Variants in ZC3H3 observed in about 807,000 individuals in gnomAD.
ZC3H3 encodes zinc finger CCCH-type containing 3.
A neutral mutation model predicts 77.3 loss-of-function variants in ZC3H3; 36 were observed. That is an observed-to-expected ratio of 0.47 (90% confidence interval 0.36 to 0.61). The LOEUF is 0.61. ZC3H3 is among the 20% of genes least tolerant of loss of function. The pLI is 0.00. For missense variants in ZC3H3, 1,331 were observed against 1,312.2 expected (o/e 1.01, Z -0.22); for synonymous variants, 626 against 555.2 (o/e 1.13, Z -1.79).
Position 143,467,720 on chromosome 8 carries a change from C to G in ZC3H3, c.2175+489G>C, listed in dbSNP as rs147629077. On this transcript the variant is annotated intron_variant, in intron 8 of 11. Transcript: ENST00000262577. ...AGCAAGTCTGTTGGGTTTCAGGCCG[C>G]GGGGACAACCACATGAGCCAGGAGT... is the stretch of plus-strand genomic sequence containing the variant. Among the ~76,000 whole-genome samples, 1,515 of 152,226 alleles carry G rather than the reference C, an allele frequency of 1.0e-2. 29 individuals are homozygous for G. The highest frequency in any genetic ancestry group is 0.032 in the African/African-American group (1,339 of 41,516).
intron 10 of ZC3H3, among the ~76,000 whole-genome samples, chr8:143,440,694 T>C (rs1475651820): frequency 2.6e-5 from 4 of 152,174 alleles, no homozygotes; most frequent in African/African-American, 9.7e-5. Context: ...AGTGAGCAGG[T>C]CTCTGTGAGG....
chr8:143,451,450 C>T (rs1819984631), intron 9 of ZC3H3, among the ~76,000 whole-genome samples: 1 of 152,000 alleles, frequency 6.6e-6, no homozygotes, highest in Non-Finnish European at 1.5e-5. Flanking sequence ...CGACATGCAC[C>T]CATACGTTGA....
intron 4 of ZC3H3, among the ~76,000 whole-genome samples, chr8:143,498,877 C>T (rs1163797143): frequency 5.3e-4 from 18 of 34,184 alleles, no homozygotes; most frequent in Middle Eastern, 0.023. Context: ...GGGTACAGGG[C>T]GGGGCGGAGG....
intron 2 of ZC3H3, 98 bp downstream of exon 2, chr8:143,537,905 T>C: frequency 1.6e-6 from 2 of 1,235,094 alleles, no homozygotes; most frequent in Non-Finnish European, 2.2e-6. Context: ...TGAACGCAAC[T>C]GCAGGCAAAG....
chr8:143,507,676 T>C (rs931807542), intron 4 of ZC3H3, 70 bp downstream of exon 4: 10 of 1,419,304 alleles, frequency 7.0e-6, no homozygotes, highest in South Asian at 1.5e-5. Flanking sequence ...GATTCTACCC[T>C]GCAGCCCTCA....
chr8:143,507,234 T>G lies in ZC3H3; in HGVS notation c.1715+512A>C, dbSNP rs59407222. ...TGCCGACAGAGCCGCCCTCCCAGCC[T>G]GCATCGAGGTCAGAGTGCGAGTGGG... On this transcript the variant is annotated intron_variant, in intron 4 of 11. Coordinates refer to ENST00000262577, the MANE Select transcript of ZC3H3 (RefSeq NM_015117.3). Among the ~76,000 whole-genome samples, 1,297 of 152,270 alleles carry G rather than the reference T, an allele frequency of 8.5e-3. 16 individuals are homozygous for G. The highest frequency in any genetic ancestry group is 0.03 in the African/African-American group (1,234 of 41,568).
At chr8:143,487,196 G>C (rs1416528388) in intron 4 of ZC3H3, among the ~76,000 whole-genome samples, 13 of 11,894 alleles carry the variant, frequency 1.1e-3, no homozygotes, top group Non-Finnish European at 1.8e-3. Context: ...CTCACACACA[G>C]AACAGCACCC....
At chr8:143,503,975 A>C (rs1369107676) in intron 4 of ZC3H3, among the ~76,000 whole-genome samples, 2 of 151,928 alleles carry the variant, frequency 1.3e-5, no homozygotes, top group Non-Finnish European at 2.9e-5. Context: ...TTTCTACTTA[A>C]ATTAGGAGGG....
At chr8:143,443,948 G>C (rs938933443) in intron 9 of ZC3H3, among the ~76,000 whole-genome samples, 1 of 151,152 alleles carries the variant, frequency 6.6e-6, no homozygotes, top group East Asian at 1.9e-4. Context: ...CCAACCCAAA[G>C]GGTTTTACTT....
At chr8:143,511,003 T>C (rs1821854011) in intron 3 of ZC3H3, among the ~76,000 whole-genome samples, 4 of 152,216 alleles carry the variant, frequency 2.6e-5, no homozygotes, top group Admixed American at 2.0e-4. Flanking sequence ...GCTTTCCTAA[T>C]TAAAAACTTT....
chr8:143,479,618 G>A (rs1046572325), intron 4 of ZC3H3, among the ~76,000 whole-genome samples: 1 of 152,214 alleles, frequency 6.6e-6, no homozygotes, highest in African/African-American at 2.4e-5. Flanking sequence ...TTTGTAATGG[G>A]AGGCATGAAC....
At chr8:143,509,763 C>T (rs951597352) in intron 3 of ZC3H3, among the ~76,000 whole-genome samples, 3 of 152,208 alleles carry the variant, frequency 2.0e-5, no homozygotes, top group South Asian at 2.1e-4. Flanking sequence ...GGGCCACCCT[C>T]GGGCCCCGGG....
At chr8:143,478,313 T>C (rs730051) in intron 4 of ZC3H3, among the ~76,000 whole-genome samples, 8,193 of 152,132 alleles carry the variant, frequency 0.054, 613 homozygotes, top group East Asian at 0.34. Context: ...GCTGCAGCAC[T>C]TGCTCCCCTC....
intron 10 of ZC3H3, among the ~76,000 whole-genome samples, 172 bp from the exon 11 acceptor site, chr8:143,440,535 A>T (rs1344572340): frequency 1.3e-5 from 2 of 152,140 alleles, no homozygotes; most frequent in African/African-American, 4.8e-5. Flanking sequence ...GGCTGGGTGC[A>T]GGGATGGCCC....
At chr8:143,488,455 C>T (rs932406541) in intron 4 of ZC3H3, among the ~76,000 whole-genome samples, 3 of 144,268 alleles carry the variant, frequency 2.1e-5, no homozygotes, top group Admixed American at 6.8e-5. Context: ...ACCCGCTCCA[C>T]GACCCCATCA....
At chr8:143,518,271 C>T (rs557591086) in intron 3 of ZC3H3, among the ~76,000 whole-genome samples, 2 of 152,218 alleles carry the variant, frequency 1.3e-5, no homozygotes, top group East Asian at 1.9e-4. Flanking sequence ...TCCCAGCCCA[C>T]CCCTGACCTT....
chr8:143,491,978 G>A (rs1214475678), intron 4 of ZC3H3, among the ~76,000 whole-genome samples: 3 of 152,222 alleles, frequency 2.0e-5, no homozygotes, highest in Non-Finnish European at 4.4e-5. Context: ...TCCACCTGGT[G>A]CACCAGGCGC....
At chr8:143,455,502 C>G (rs895507871) in intron 9 of ZC3H3, among the ~76,000 whole-genome samples, 2 of 151,674 alleles carry the variant, frequency 1.3e-5, no homozygotes, top group Admixed American at 6.6e-5. Flanking sequence ...CTCTGCCCCC[C>G]CTCCCCAAAA....
At chr8:143,486,658 A>T (rs1586914493) in intron 4 of ZC3H3, among the ~76,000 whole-genome samples, 1 of 152,080 alleles carries the variant, frequency 6.6e-6, no homozygotes, top group South Asian at 2.1e-4. Flanking sequence ...GGCACCCGCT[A>T]CATGACCCCA....
Sources: allele counts gnomAD v4.1 joint callset (sites outside exome capture counted in the v4.1 genomes callset), GRCh38; gene constraint gnomAD v4.1.1; transcripts MANE v1.5; gene names NCBI Gene and HGNC (gene_info 2026-07-23, HGNC 2026-07-21).